The following RBPJ variants were observed in gnomAD, a reference collection of about 807,000 sequenced individuals.
RBPJ encodes recombination signal binding protein for immunoglobulin kappa J region.
Under a neutral mutation model 67.8 loss-of-function variants are expected in RBPJ, and 9 were observed. The observed-to-expected ratio is 0.13, with a 90% CI of 0.08 to 0.23. The LOEUF is 0.23. Among genes scored for constraint, RBPJ ranks in the 10% least tolerant of loss-of-function variants. RBPJ has a pLI of 1.00. For missense variants in RBPJ, 305 were observed against 595.6 expected (o/e 0.51, Z 5.08); for synonymous variants, 198 against 203.3 (o/e 0.97, Z 0.22).
intron 1 of RBPJ, among the ~76,000 whole-genome samples, chr4:26,214,598 GAAAC>G (rs1718569222): frequency 5.6e-5 from 7 of 125,420 alleles, no homozygotes; most frequent in African/African-American, 1.9e-4. Context: ...AGGAAGGGAG[GAAAC>G]AGAGAGAGAA....
Position 26,194,620 on chromosome 4 carries a change from C to T in RBPJ, c.-167+31006C>T, listed in dbSNP as rs141607386. Among the ~76,000 whole-genome samples the T allele has an allele frequency of 7.8e-4, 119 of 152,302 alleles. 1 individual carries two copies. Among genetic ancestry groups the T allele is most frequent in the African/African-American group, 2.7e-3 (113 of 41,572 alleles). ...AGAACAGATTTCTGGGCCTGTAGGC[C>T]CCCACCTATCACCACCACACTTCAC... On this transcript the variant is annotated intron_variant, in intron 1 of 4. Coordinates refer to the RBPJ transcript ENST00000512351.
chr4:26,421,978 G>C (rs182026331), intron 5 of RBPJ, among the ~76,000 whole-genome samples: 48 of 152,222 alleles, frequency 3.2e-4, no homozygotes, highest in African/African-American at 1.1e-3. Flanking sequence ...GTCTGTAATA[G>C]TTTCTTCTCA....
intron 2 of RBPJ, among the ~76,000 whole-genome samples, chr4:26,386,657 A>T (rs1384704427): frequency 6.6e-6 from 1 of 152,232 alleles, no homozygotes; most frequent in African/African-American, 2.4e-5. Flanking sequence ...CATGGACGGC[A>T]GTGCAGGTAG....
At chr4:26,379,774 T>C (rs998553696) in intron 1 of RBPJ, among the ~76,000 whole-genome samples, 1 of 152,190 alleles carries the variant, frequency 6.6e-6, no homozygotes, top group African/African-American at 2.4e-5. Flanking sequence ...GGGGTCTTGC[T>C]TTATTGCCCA....
chr4:26,131,538 A>G, the RBPJ span, among the ~76,000 whole-genome samples: 1 of 152,192 alleles, frequency 6.6e-6, no homozygotes, highest in Non-Finnish European at 1.5e-5. Context: ...ACCCCAAAAG[A>G]TATCAGGTCC....
At chr4:26,282,863 A>G (rs1330885964) in intron 1 of RBPJ, among the ~76,000 whole-genome samples, 2 of 151,428 alleles carry the variant, frequency 1.3e-5, no homozygotes, top group African/African-American at 4.9e-5. Flanking sequence ...ATATAATAAT[A>G]AAAGGAAATA....
At chr4:26,138,540 TCTC>T in the RBPJ span, among the ~76,000 whole-genome samples, 18 of 152,238 alleles carry the variant, frequency 1.2e-4, no homozygotes, top group Admixed American at 8.5e-4. Context: ...TCCTTTCCCT[TCTC>T]CCACAGATAA....
At chr4:26,127,465 G>T in the RBPJ span, among the ~76,000 whole-genome samples, 1 of 152,196 alleles carries the variant, frequency 6.6e-6, no homozygotes, top group Admixed American at 6.5e-5. Context: ...GTTTGACAGG[G>T]TCTGTGGGCA....
At chr4:26,203,005 GGAAAA>G (rs1718042519) in intron 1 of RBPJ, among the ~76,000 whole-genome samples, 3 of 140,674 alleles carry the variant, frequency 2.1e-5, no homozygotes, top group African/African-American at 8.1e-5. Flanking sequence ...AAGGAAGGAA[GGAAAA>G]AAGAAAAGAA....
At chr4:26,246,922 T>A (rs1464176383) in intron 1 of RBPJ, among the ~76,000 whole-genome samples, 2 of 151,720 alleles carry the variant, frequency 1.3e-5, no homozygotes, top group East Asian at 3.9e-4. Flanking sequence ...CATAGAAGAG[T>A]AGTTTCTAGA....
intron 1 of RBPJ, among the ~76,000 whole-genome samples, chr4:26,298,749 T>G (rs1173441792): frequency 6.6e-6 from 1 of 152,182 alleles, no homozygotes; most frequent in African/African-American, 2.4e-5. Context: ...CAGGGCGGGT[T>G]GTTGGGGGGA....
intron 1 of RBPJ, among the ~76,000 whole-genome samples, chr4:26,287,769 C>T (rs775910805): frequency 4.3e-5 from 6 of 140,184 alleles, no homozygotes; most frequent in South Asian, 2.4e-4. Flanking sequence ...GACAGAAGAA[C>T]GCAGGCAGGC....
intron 1 of RBPJ, among the ~76,000 whole-genome samples, chr4:26,350,761 C>G (rs1382325400): frequency 1.3e-5 from 2 of 152,102 alleles, no homozygotes; most frequent in Non-Finnish European, 2.9e-5. Context: ...AAAGATGATT[C>G]CCTGGTTTTT....
In RBPJ at chr4:26,202,996, AGG is replaced by A. The variant is rs1333216327; in HGVS notation, c.-167+39383_-167+39384del. ...AAGGAAGGAAGGAAGGAAGGAAGGAAGGAAGGAAGGAAAAAAGAAAAGAAAAG... is the reference window on the plus strand; with the variant it reads ...AAGGAAGGAAGGAAGGAAGGAAGGAAAAGGAAGGAAAAAAGAAAAGAAAAG... On this transcript the variant is annotated intron_variant, in intron 1 of 4. Coordinates refer to the RBPJ transcript ENST00000512351. 3.5e-4 allele frequency among the ~76,000 whole-genome samples: 51 copies of A among 147,038 alleles called. 2 individuals carry two copies. The highest frequency in any genetic ancestry group is 9.0e-4 in the South Asian group (4 of 4,452).
chr4:26,318,219 CA>C (rs1402850876), upstream of RBPJ, among the ~76,000 whole-genome samples: 1 of 152,038 alleles, frequency 6.6e-6, no homozygotes, highest in African/African-American at 2.4e-5. Flanking sequence ...CTCCAAATAT[CA>C]AAATTCAATT....
At chr4:26,229,905 T>C (rs11934331) in intron 1 of RBPJ, among the ~76,000 whole-genome samples, 11 of 152,244 alleles carry the variant, frequency 7.2e-5, no homozygotes, top group African/African-American at 2.6e-4. Flanking sequence ...AATTCAGTCA[T>C]CGGCCAAGTG....
At chr4:26,225,780 T>A (rs1719054837) in intron 1 of RBPJ, among the ~76,000 whole-genome samples, 1 of 152,022 alleles carries the variant, frequency 6.6e-6, no homozygotes, top group Non-Finnish European at 1.5e-5. Context: ...CTATTAATTT[T>A]AAAAATTCAA....
intron 1 of RBPJ, among the ~76,000 whole-genome samples, chr4:26,197,279 T>C (rs531789701): frequency 4.6e-5 from 7 of 152,254 alleles, no homozygotes; most frequent in African/African-American, 1.2e-4. Context: ...AGTGGAAGAA[T>C]TGGGGACCCA....
At chr4:26,182,106 G>T (rs770890168) in intron 1 of RBPJ, among the ~76,000 whole-genome samples, 1 of 152,212 alleles carries the variant, frequency 6.6e-6, no homozygotes, top group Non-Finnish European at 1.5e-5. Flanking sequence ...ACTTTGGGAG[G>T]CCGAGGCAGC....
Sources: allele counts gnomAD v4.1 joint callset (sites outside exome capture counted in the v4.1 genomes callset), GRCh38; gene constraint gnomAD v4.1.1; transcripts MANE v1.5; gene names NCBI Gene and HGNC (gene_info 2026-07-23, HGNC 2026-07-21).